The following SGMS1 variants were observed in gnomAD, a reference collection of about 807,000 sequenced individuals.
SGMS1 encodes the protein phosphatidylcholine:ceramide cholinephosphotransferase 1.
Under a neutral mutation model 46.2 loss-of-function variants are expected in SGMS1, and 13 were observed. The ratio of observed to expected loss-of-function variants is 0.28; its 90% confidence interval spans 0.18 to 0.45. The LOEUF (loss-of-function observed/expected upper bound fraction) is 0.45, where lower values mean the gene tolerates loss of function less well. SGMS1 is among the 20% of genes least tolerant of loss of function. SGMS1 has a pLI of 1.00. For synonymous variants in SGMS1, 203 were observed against 187.8 expected (o/e 1.08, Z -0.66); for missense variants, 324 against 519.9 (o/e 0.62, Z 3.66).
chr10:50,430,409 C>A (rs913374269), intron 6 of SGMS1, among the ~76,000 whole-genome samples: 29 of 147,290 alleles, frequency 2.0e-4, no homozygotes, highest in Middle Eastern at 3.3e-3. Context: ...ATAACCAGAC[C>A]CATTTTAGAG....
intron 2 of SGMS1, among the ~76,000 whole-genome samples, chr10:50,562,337 A>AGTGTGTGT (rs758431447): frequency 7.6e-6 from 1 of 132,258 alleles, no homozygotes; most frequent in African/African-American, 2.8e-5. Flanking sequence ...ACACTCTCTG[A>AGTGTGTGT]GTGTGTGTGT....
chr10:50,410,493 G>A (rs1171271949), intron 6 of SGMS1, among the ~76,000 whole-genome samples: 2 of 152,212 alleles, frequency 1.3e-5, no homozygotes, highest in Non-Finnish European at 2.9e-5. Context: ...AAACCATCAG[G>A]TGGGTTGTTT....
chr10:50,355,254 T>C (rs1031810983), intron 6 of SGMS1, among the ~76,000 whole-genome samples: 1 of 152,212 alleles, frequency 6.6e-6, no homozygotes, highest in Non-Finnish European at 1.5e-5. Context: ...CATGGAATAC[T>C]ATGCAACCAT....
chr10:50,478,739 A>G (rs1174954148), intron 3 of SGMS1, among the ~76,000 whole-genome samples: 2 of 152,234 alleles, frequency 1.3e-5, no homozygotes, highest in African/African-American at 4.8e-5. Context: ...AAAAATAGGA[A>G]TTTATTTTTG....
intron 6 of SGMS1, among the ~76,000 whole-genome samples, chr10:50,359,645 T>C (rs1006366575): frequency 4.0e-5 from 6 of 151,684 alleles, no homozygotes; most frequent in Admixed American, 3.3e-4. Flanking sequence ...ATGTAAATAT[T>C]TAGTGATCAA....
Position 50,453,145 on chromosome 10 carries a change from G to A in SGMS1, c.-313+7528C>T, listed in dbSNP as rs1184308762. Among the ~76,000 whole-genome samples, 4 of 151,924 alleles carry A rather than the reference G, an allele frequency of 2.6e-5. No homozygotes were observed. In the East Asian group the frequency reaches 7.7e-4, roughly 29 times the overall value. On this transcript the variant is annotated intron_variant, in intron 5 of 10. Transcript: ENST00000361781. Reference sequence around the variant, plus strand: ...CATCAGTGAGAGCCAACAGAAACAGGCAAATGAATCAGATCTGAAAATATT... The same window carrying A: ...CATCAGTGAGAGCCAACAGAAACAGACAAATGAATCAGATCTGAAAATATT...
At chr10:50,484,521 A>G (rs1470213635) in intron 3 of SGMS1, among the ~76,000 whole-genome samples, 1 of 152,198 alleles carries the variant, frequency 6.6e-6, no homozygotes, top group Non-Finnish European at 1.5e-5. Context: ...ATCAAAGAGG[A>G]GAAACTCCTC....
intron 7 of SGMS1, 73 bp from the exon 8 acceptor site, chr10:50,327,395 T>C: frequency 2.2e-6 from 2 of 907,144 alleles, no homozygotes; most frequent in Non-Finnish European, 3.6e-6. Context: ...AATTTTTCAA[T>C]GACTCAATAA....
intron 3 of SGMS1, among the ~76,000 whole-genome samples, chr10:50,511,090 G>C (rs1202758431): frequency 2.0e-5 from 3 of 152,154 alleles, no homozygotes; most frequent in Non-Finnish European, 4.4e-5. Context: ...AATTGCCAGA[G>C]AAGTTCACTT....
intron 1 of SGMS1, among the ~76,000 whole-genome samples, chr10:50,620,104 T>A (rs1197168285): frequency 3.3e-5 from 5 of 152,194 alleles, no homozygotes. Flanking sequence ...CAGAAGTCAG[T>A]TATAAAACCA....
chr10:50,532,905 C>A (rs1419653426), intron 2 of SGMS1, among the ~76,000 whole-genome samples: 1 of 152,112 alleles, frequency 6.6e-6, no homozygotes, highest in East Asian at 1.9e-4. Context: ...AAGCAATCCA[C>A]CAAGTGCAGT....
At chr10:50,462,905 G>A (rs1006639228) in intron 4 of SGMS1, among the ~76,000 whole-genome samples, 5 of 152,076 alleles carry the variant, frequency 3.3e-5, no homozygotes, top group African/African-American at 1.2e-4. Flanking sequence ...AAATGCTTAG[G>A]AAATGATGGA....
intron 5 of SGMS1, among the ~76,000 whole-genome samples, chr10:50,440,222 C>T (rs1360411689): frequency 6.6e-6 from 1 of 151,774 alleles, no homozygotes; most frequent in East Asian, 1.9e-4. Context: ...CACCCCAGGT[C>T]ACATCCCTCC....
intron 5 of SGMS1, among the ~76,000 whole-genome samples, chr10:50,446,304 T>C (rs959170997): frequency 5.3e-5 from 8 of 152,156 alleles, no homozygotes; most frequent in Non-Finnish European, 1.2e-4. Context: ...TGCGGCTTGC[T>C]GGGCATCACA....
chr10:50,381,550 T>C (rs1848606237), intron 6 of SGMS1, among the ~76,000 whole-genome samples: 1 of 152,216 alleles, frequency 6.6e-6, no homozygotes, highest in African/African-American at 2.4e-5. Flanking sequence ...TAGGGATGTC[T>C]TTTTGTTCTG....
chr10:50,537,074 A>G (rs1330624816), intron 2 of SGMS1, among the ~76,000 whole-genome samples: 1 of 152,138 alleles, frequency 6.6e-6, no homozygotes, highest in East Asian at 1.9e-4. Context: ...TCATCTTAGC[A>G]TTTGCATTTC....
At chr10:50,340,492 A>G (rs2133351032) in intron 7 of SGMS1, 1 of 152,322 alleles carries the variant, frequency 6.6e-6, no homozygotes, top group East Asian at 1.9e-4. Flanking sequence ...ATTATTTACA[A>G]TTGTAAAAAC....
At chr10:50,618,264 G>A (rs1219717155) in intron 1 of SGMS1, among the ~76,000 whole-genome samples, 1 of 152,290 alleles carries the variant, frequency 6.6e-6, no homozygotes, top group African/African-American at 2.4e-5. Context: ...CTGGAAAGCT[G>A]ACAGAATACA....
rs181116395 is a variant in SGMS1, at chr10:50,572,317, C to T, written c.-589+17836G>A. 9.5e-3 allele frequency among the ~76,000 whole-genome samples: 1,442 copies of T among 152,288 alleles called. 5 individuals are homozygous for T. Among genetic ancestry groups the T allele is most frequent in the Non-Finnish European group, 0.015 (997 of 68,016 alleles). On this transcript the variant is annotated intron_variant, in intron 2 of 10. Coordinates refer to ENST00000361781, the MANE Select transcript of SGMS1 (RefSeq NM_147156.4). ...GAGTAATCAGAGTCTATGCGCCCTC[C>T]TTTTGTGAGGGAAGGGTGGTAACGA... is the stretch of plus-strand genomic sequence containing the variant.
Sources: gnomAD v4.1 joint callset for allele counts (sites outside exome capture counted in the v4.1 genomes callset) on GRCh38, gnomAD v4.1.1 for gene constraint, MANE v1.5 for transcripts, NCBI Gene and HGNC (gene_info 2026-07-23, HGNC 2026-07-21) for gene names.